The following PCDH15 variants were observed in gnomAD, a reference collection of about 807,000 sequenced individuals.
PCDH15 encodes protocadherin-15.
PCDH15 carries 129 observed loss-of-function variants against 178.5 expected under a neutral mutation model. The observed-to-expected ratio is 0.72, with a 90% confidence interval of 0.63 to 0.84. The LOEUF (loss-of-function observed/expected upper bound fraction) is 0.84, where lower values mean the gene tolerates loss of function less well. Among genes scored for constraint, PCDH15 ranks in the 40% least tolerant of loss-of-function variants. The pLI is 0.00. For missense variants in PCDH15, 2,230 were observed against 2,099.9 expected (o/e 1.06, Z -1.21); for synonymous variants, 800 against 732.0 (o/e 1.09, Z -1.50).
chr10:54,991,279 A>G (rs1337238137), intron 2 of PCDH15, among the ~76,000 whole-genome samples: 1 of 152,196 alleles, frequency 6.6e-6, no homozygotes, highest in Admixed American at 6.5e-5. Flanking sequence ...CATTAATGTA[A>G]TGTAACAATG....
chr10:55,492,332 G>T (rs971720613), intron 2 of PCDH15, among the ~76,000 whole-genome samples: 1 of 151,710 alleles, frequency 6.6e-6, no homozygotes, highest in African/African-American at 2.4e-5. Flanking sequence ...CTGGCAAAGG[G>T]GATTTGGGCA....
intron 13 of PCDH15, among the ~76,000 whole-genome samples, chr10:54,164,967 T>C (rs1384005298): frequency 6.6e-6 from 1 of 152,194 alleles, no homozygotes; most frequent in Non-Finnish European, 1.5e-5. Context: ...CTAAGGCTGC[T>C]GCTCATTAAA....
intron 14 of PCDH15, among the ~76,000 whole-genome samples, chr10:54,134,268 C>T (rs1438935008): frequency 9.4e-6 from 1 of 106,434 alleles, no homozygotes; most frequent in African/African-American, 3.0e-5. Flanking sequence ...GTCTCGAACT[C>T]CTGACCTCAG....
At chr10:54,353,685 TTC>T (rs2134300354) in intron 5 of PCDH15, among the ~76,000 whole-genome samples, 1 of 152,190 alleles carries the variant, frequency 6.6e-6, no homozygotes, top group East Asian at 1.9e-4. Flanking sequence ...ATCTATTTTA[TTC>T]TGTTTCATTA....
intron 2 of PCDH15, among the ~76,000 whole-genome samples, chr10:55,097,717 T>C (rs1304020211): frequency 6.6e-6 from 1 of 151,938 alleles, no homozygotes; most frequent in Non-Finnish European, 1.5e-5. Context: ...GACAGATAGA[T>C]AGATAGATGG....
At chr10:54,690,988 A>C (rs2095111112) in intron 1 of PCDH15, among the ~76,000 whole-genome samples, 1 of 151,948 alleles carries the variant, frequency 6.6e-6, no homozygotes, top group East Asian at 1.9e-4. Flanking sequence ...ATCCCTAAAA[A>C]CTTCTTATAT....
rs184812721 is a variant in PCDH15, at chr10:54,155,206, G to C, written c.1591-1913C>G. Among the ~76,000 whole-genome samples the C allele has an allele frequency of 7.2e-5, 11 of 152,278 alleles. No individual in the cohort carries two copies. In the East Asian group the frequency reaches 1.9e-3, roughly 27 times the overall value. On this transcript the variant is annotated intron_variant, in intron 13 of 37. Coordinates refer to ENST00000644397, the MANE Select transcript of PCDH15 (RefSeq NM_001384140.1). The stretch of plus-strand genomic sequence containing the variant: ...TTCAGGGATGTCAGCATTATAGCTG[G>C]TCTTATTTAACATTTTCATAAATGA...
chr10:54,874,419 G>T (rs1954100547), intron 3 of PCDH15, among the ~76,000 whole-genome samples: 1 of 150,178 alleles, frequency 6.7e-6, no homozygotes, highest in East Asian at 2.0e-4. Context: ...TGTGAATAAT[G>T]CTGCAATAAA....
chr10:54,204,171 A>T (rs989487391), intron 10 of PCDH15, among the ~76,000 whole-genome samples: 3 of 152,138 alleles, frequency 2.0e-5, no homozygotes, highest in East Asian at 3.9e-4. Context: ...AATGTTAATA[A>T]AAGTCTCAGA....
intron 2 of PCDH15, among the ~76,000 whole-genome samples, chr10:55,084,462 T>TAAAAAAAAAAAAAAAAAAAAAAAAAA (rs71461276): frequency 1.4e-5 from 2 of 145,564 alleles, no homozygotes; most frequent in Admixed American, 7.2e-5. Context: ...CCTCAAGCTG[T>TAAAAAAAAAAAAAAAAAAAAAAAAAA]AAAAAAAAAA....
chr10:54,152,654 A>G (rs1472086732), intron 14 of PCDH15, among the ~76,000 whole-genome samples: 1 of 152,058 alleles, frequency 6.6e-6, no homozygotes, highest in Non-Finnish European at 1.5e-5. Context: ...AGAAAGATGC[A>G]ATTGTAATAG....
intron 1 of PCDH15, among the ~76,000 whole-genome samples, chr10:54,693,987 C>T (rs2095176165): frequency 6.6e-6 from 1 of 152,122 alleles, no homozygotes; most frequent in Non-Finnish European, 1.5e-5. Flanking sequence ...TAGGTTTGAG[C>T]ACAGGATTTT....
At chr10:53,912,595 A>T (rs1027842282) in intron 25 of PCDH15, among the ~76,000 whole-genome samples, 3 of 152,232 alleles carry the variant, frequency 2.0e-5, no homozygotes, top group African/African-American at 7.2e-5. Context: ...ACTTCAGCAA[A>T]GTCTCAGGAT....
At chr10:55,173,307 T>TTGTG (rs778106530) in intron 1 of PCDH15, among the ~76,000 whole-genome samples, 339 of 64,152 alleles carry the variant, frequency 5.3e-3, no homozygotes, top group African/African-American at 0.015. Flanking sequence ...ATTAGAAAGA[T>TTGTG]TATGTGTGTG....
intron 1 of PCDH15, among the ~76,000 whole-genome samples, chr10:54,798,732 G>A (rs1471091322): frequency 6.6e-6 from 1 of 152,076 alleles, no homozygotes; most frequent in East Asian, 1.9e-4. Flanking sequence ...TTTTCCTTGT[G>A]TTCAAATCCT....
intron 23 of PCDH15, among the ~76,000 whole-genome samples, chr10:53,957,404 A>G (rs2087724157): frequency 6.6e-6 from 1 of 152,058 alleles, no homozygotes; most frequent in Admixed American, 6.5e-5. Context: ...AAAACAGAAA[A>G]CTGTGCATAG....
rs60921055 is a variant in PCDH15 at position 54,961,301 on chromosome 10, C to T, written c.-79-63801G>A. Among the ~76,000 whole-genome samples, 834 of 152,264 alleles carry T rather than the reference C, an allele frequency of 5.5e-3. 7 individuals carry two copies. Among genetic ancestry groups the T allele is most frequent in the African/African-American group, 0.019 (782 of 41,568 alleles). ...GCACCCTCCAGACTTTGGGTGCTGA[C>T]GAGTGTGGGAGGGAGGCTGGGGACT... is the stretch of plus-strand genomic sequence containing the variant. On this transcript the variant is annotated intron_variant, in intron 2 of 5. Coordinates refer to the PCDH15 transcript ENST00000458638.
chr10:55,029,702 T>A (rs1249623910), intron 2 of PCDH15, among the ~76,000 whole-genome samples: 1 of 152,134 alleles, frequency 6.6e-6, no homozygotes, highest in Non-Finnish European at 1.5e-5. Flanking sequence ...CCCATTCTTG[T>A]GTATTTGAAT....
At chr10:55,299,711 C>A (rs556089769) in intron 1 of PCDH15, among the ~76,000 whole-genome samples, 1 of 152,218 alleles carries the variant, frequency 6.6e-6, no homozygotes, top group East Asian at 1.9e-4. Context: ...TGCTAATACT[C>A]AGAATTGGAC....
Sources: allele counts gnomAD v4.1 joint callset (sites outside exome capture counted in the v4.1 genomes callset), GRCh38; gene constraint gnomAD v4.1.1; transcripts MANE v1.5; gene names NCBI Gene and HGNC (gene_info 2026-07-23, HGNC 2026-07-21).